Variants in VWA8 observed in about 807,000 individuals in gnomAD.
VWA8 encodes von Willebrand factor A domain containing 8, also known as von Willebrand factor A domain-containing protein 8.
A neutral mutation model predicts 241.5 loss-of-function variants in VWA8; 221 were observed. The observed-to-expected ratio is 0.91, with a 90% CI of 0.82 to 1.02. The LOEUF is 1.02. Ranked by LOEUF, VWA8 falls within the 50% of genes least tolerant of loss-of-function variation. The pLI is 0.00. For missense variants in VWA8, 2,322 were observed against 2,328.7 expected, an observed-to-expected ratio of 1.00 and a Z score of 0.06; for synonymous variants, 852 against 827.1, an observed-to-expected ratio of 1.03 and a Z score of -0.52.
intron 25 of VWA8, 96 bp from the exon 26 acceptor site, chr13:41,719,838 C>T: frequency 8.5e-7 from 1 of 1,179,884 alleles, no homozygotes; most frequent in Non-Finnish European, 1.1e-6. Flanking sequence ...ATCAAATGAA[C>T]TACAGCAGAA....
At chr13:41,870,841 A>C (rs1285044072) in intron 9 of VWA8, among the ~76,000 whole-genome samples, 1 of 152,176 alleles carries the variant, frequency 6.6e-6, no homozygotes, top group Non-Finnish European at 1.5e-5. Flanking sequence ...CCACACAAAT[A>C]ATTAAAGCTA....
chr13:41,627,343 G>A (rs1047745009), intron 37 of VWA8, among the ~76,000 whole-genome samples: 1 of 152,096 alleles, frequency 6.6e-6, no homozygotes, highest in African/African-American at 2.4e-5. Flanking sequence ...TTCTTTCCTT[G>A]CTTTGTTTGT....
chr13:41,942,884 A>G (rs1877666893), intron 2 of VWA8, among the ~76,000 whole-genome samples: 1 of 152,228 alleles, frequency 6.6e-6, no homozygotes, highest in South Asian at 2.1e-4. Context: ...CTCCACCTTC[A>G]CTGAAGTGGC....
At chr13:41,898,407 T>G (rs1355091664) in intron 4 of VWA8, among the ~76,000 whole-genome samples, 1 of 152,194 alleles carries the variant, frequency 6.6e-6, no homozygotes, top group Admixed American at 6.5e-5. Context: ...ATTGGTGCAC[T>G]CACAAACCCT....
chr13:41,792,890 T>C (rs1464338472), intron 17 of VWA8, among the ~76,000 whole-genome samples: 2 of 152,112 alleles, frequency 1.3e-5, no homozygotes, highest in East Asian at 1.9e-4. Flanking sequence ...GTATAGGAAA[T>C]GTCATTGATT....
At chr13:41,585,661 C>T (rs1005732112) in intron 42 of VWA8, among the ~76,000 whole-genome samples, 1 of 151,874 alleles carries the variant, frequency 6.6e-6, no homozygotes, top group East Asian at 1.9e-4. Context: ...GTCAGGAGTT[C>T]GAGACCAGCC....
intron 17 of VWA8, among the ~76,000 whole-genome samples, chr13:41,789,220 T>C (rs1566458246): frequency 6.6e-6 from 1 of 152,280 alleles, no homozygotes; most frequent in East Asian, 1.9e-4. Flanking sequence ...TTTAAGGGAT[T>C]TGTTAACTGT....
At chr13:41,574,284 C>A (rs1266288181) in intron 43 of VWA8, among the ~76,000 whole-genome samples, 1 of 151,842 alleles carries the variant, frequency 6.6e-6, no homozygotes, top group Non-Finnish European at 1.5e-5. Context: ...CCAACAATGA[C>A]CAAGCTGAGA....
chr13:41,584,257 G>T (rs1165906095), intron 42 of VWA8, among the ~76,000 whole-genome samples: 2 of 152,152 alleles, frequency 1.3e-5, no homozygotes, highest in South Asian at 2.1e-4. Flanking sequence ...ACAAATAAGA[G>T]TCCTGGGCTC....
chr13:41,621,319 T>G (rs2044655675), intron 37 of VWA8, among the ~76,000 whole-genome samples: 1 of 152,204 alleles, frequency 6.6e-6, no homozygotes, highest in African/African-American at 2.4e-5. Context: ...GTTTGGTAGA[T>G]CTGGTGTATT....
chr13:41,589,825 A>G (rs1163199786), intron 41 of VWA8, among the ~76,000 whole-genome samples: 1 of 152,118 alleles, frequency 6.6e-6, no homozygotes, highest in African/African-American at 2.4e-5. Flanking sequence ...CTTCAAGTCC[A>G]CTGAATTGCC....
At position 41,882,773 on chromosome 13, in the gene VWA8, G is replaced by C. The variant is rs576315211; in HGVS notation, c.1080+614C>G. Among the ~76,000 whole-genome samples, 7 of 152,228 alleles carry C rather than the reference G, an allele frequency of 4.6e-5. 1 individual carries two copies. The South Asian group carries it at 1.2e-3, about 27-fold the overall frequency. ...GCAGCAGTACAGTCCAGCTTCGGCT[G>C]GGCATCAGAGGGAGACCGTGGAAAG... On this transcript the variant is annotated intron_variant, in intron 9 of 44. Transcript: ENST00000379310.
intron 26 of VWA8, among the ~76,000 whole-genome samples, chr13:41,716,558 TC>T (rs2045349257): frequency 6.6e-6 from 1 of 151,952 alleles, no homozygotes; most frequent in Non-Finnish European, 1.5e-5. Flanking sequence ...GTAAAAAAAT[TC>T]CCCCTTCTAA....
At chr13:41,768,582 T>C (rs1210406735) in intron 20 of VWA8, among the ~76,000 whole-genome samples, 1 of 152,178 alleles carries the variant, frequency 6.6e-6, no homozygotes, top group African/African-American at 2.4e-5. Context: ...TCAAATGCTA[T>C]GAAACGCAGA....
chr13:41,708,148 G>A (rs971360908), intron 26 of VWA8, among the ~76,000 whole-genome samples: 6 of 151,882 alleles, frequency 4.0e-5, no homozygotes, highest in African/African-American at 1.5e-4. Context: ...ACCTGAGGTC[G>A]GGAGTTCGAG....
chr13:41,907,871 C>G (rs1347733129), intron 3 of VWA8, among the ~76,000 whole-genome samples, 175 bp from the exon 4 acceptor site: 1 of 152,134 alleles, frequency 6.6e-6, no homozygotes, highest in African/African-American at 2.4e-5. Context: ...GAACTTTAAT[C>G]AAAATATCTA....
chr13:41,660,373 C>T lies in VWA8; in HGVS notation c.4611+10573G>A, dbSNP rs796628586. ...TCAAGTGATCCACCTGCCTCACCCT[C>T]CCAAAGTGTTGGGATTACAGGCATG... On this transcript the variant is annotated intron_variant, in intron 37 of 44. Coordinates refer to ENST00000379310, the MANE Select transcript of VWA8 (RefSeq NM_015058.2). Among the ~76,000 whole-genome samples, 3 of 152,312 alleles carry T rather than the reference C, an allele frequency of 2.0e-5. 1 individual carries two copies. Among genetic ancestry groups the T allele is most frequent in the African/African-American group, 4.8e-5 (2 of 41,560 alleles).
intron 14 of VWA8, among the ~76,000 whole-genome samples, chr13:41,830,260 T>A (rs73185304): frequency 0.014 from 1,957 of 137,880 alleles, 14 homozygotes; most frequent in East Asian, 0.021. Context: ...AAAAAAAAAA[T>A]CACTGTCATA....
At chr13:41,596,981 T>C (rs1478545648) in intron 40 of VWA8, among the ~76,000 whole-genome samples, 1 of 152,156 alleles carries the variant, frequency 6.6e-6, no homozygotes, top group Non-Finnish European at 1.5e-5. Context: ...TCAAGACTTT[T>C]TTTTTACCTA....
Sources: gnomAD v4.1 joint callset for allele counts (sites outside exome capture counted in the v4.1 genomes callset) on GRCh38, gnomAD v4.1.1 for gene constraint, MANE v1.5 for transcripts, NCBI Gene and HGNC (gene_info 2026-07-23, HGNC 2026-07-21) for gene names.